Variants in TTC28 observed in about 807,000 individuals in gnomAD.
TTC28 encodes the protein tetratricopeptide repeat domain 28.
Under a neutral mutation model 198.0 loss-of-function variants are expected in TTC28, and 61 were observed. The ratio of observed to expected loss-of-function variants is 0.31; its 90% confidence interval spans 0.25 to 0.38. The LOEUF (loss-of-function observed/expected upper bound fraction) is 0.38. Ranked by LOEUF, TTC28 falls within the 10% of genes least tolerant of loss-of-function variation. TTC28 has a pLI of 1.00. For synonymous variants in TTC28, 1,171 were observed against 1,297.8 expected (o/e 0.90, Z 2.10); for missense variants, 2,678 against 3,164.0 (o/e 0.85, Z 3.69).
intron 1 of TTC28, among the ~76,000 whole-genome samples, chr22:28,645,196 CA>C (rs935093935): frequency 1.0e-4 from 15 of 150,592 alleles, no homozygotes; most frequent in Admixed American, 7.9e-4. Flanking sequence ...AACTCCGTCT[CA>C]AAAAAAAATT....
rs547706122 is a variant in TTC28 at position 27,995,696 on chromosome 22, A to T, written c.5244+439T>A. On this transcript the variant is annotated intron_variant, in intron 17 of 22. Transcript: ENST00000397906. ...AACCTTGAACTGTTCAACTTTTATC[A>T]CCCCTTCCAGATGAGAACACTGAGG... Among the ~76,000 whole-genome samples the T allele has an allele frequency of 3.3e-5, 5 of 152,254 alleles. No homozygotes were observed. In the South Asian group the frequency reaches 6.2e-4, roughly 19 times the overall value.
chr22:28,014,886 G>A (rs1002085671), intron 13 of TTC28, among the ~76,000 whole-genome samples: 1 of 152,236 alleles, frequency 6.6e-6, no homozygotes, highest in Non-Finnish European at 1.5e-5. Context: ...GGGCTCTGTG[G>A]CAAGGCAGTA....
intron 2 of TTC28, among the ~76,000 whole-genome samples, chr22:28,576,223 T>C (rs2050148166): frequency 6.6e-6 from 1 of 152,128 alleles, no homozygotes; most frequent in Non-Finnish European, 1.5e-5. Flanking sequence ...TTTTATCAAA[T>C]GCTTTTTCAG....
rs866979937 is a variant in TTC28, at chr22:27,999,201, G to A, written c.4458C>T (p.Ile1486=). The part of the protein sequence containing the change: ...YSSSTSMAAV[I]GNPKLPSAVM... ...CGGCCGATGGTAGCTTGGGGTTGCC[G>A]ATGACAGCCGCCATGGATGTGGAGC... Residue 1486 remains isoleucine, a synonymous_variant, in exon 16 of 23, where the codon ATC becomes ATT. Transcript: ENST00000397906. 20 of 1,550,854 alleles carry A rather than the reference G, an allele frequency of 1.3e-5. No individual in the cohort carries two copies. Among genetic ancestry groups the A allele is most frequent in the Middle Eastern group, 1.7e-4 (1 of 6,012 alleles).
chr22:28,436,363 A>G (rs2047519877), intron 2 of TTC28, among the ~76,000 whole-genome samples: 1 of 152,202 alleles, frequency 6.6e-6, no homozygotes, highest in African/African-American at 2.4e-5. Context: ...ACTGATAGAG[A>G]CAGACATACT....
chr22:28,562,516 C>T (rs191168939), intron 2 of TTC28, among the ~76,000 whole-genome samples: 65 of 152,112 alleles, frequency 4.3e-4, no homozygotes, highest in African/African-American at 1.5e-3. Context: ...GAAGAACCAC[C>T]GTAGAAGTGA....
At chr22:28,524,831 T>C (rs1389516888) in intron 2 of TTC28, among the ~76,000 whole-genome samples, 3 of 152,174 alleles carry the variant, frequency 2.0e-5, no homozygotes. Flanking sequence ...AATTCATGTA[T>C]ATACTTTTGG....
chr22:28,639,224 A>G (rs1159916406), intron 1 of TTC28, among the ~76,000 whole-genome samples: 1 of 151,480 alleles, frequency 6.6e-6, no homozygotes, highest in Non-Finnish European at 1.5e-5. Context: ...AAATTTTATT[A>G]GATCCATGTA....
intron 2 of TTC28, among the ~76,000 whole-genome samples, chr22:28,585,589 A>T (rs2050302455): frequency 6.6e-6 from 1 of 152,158 alleles, no homozygotes; most frequent in African/African-American, 2.4e-5. Flanking sequence ...GACCAGTATC[A>T]GTCCGTGGCC....
intron 1 of TTC28, among the ~76,000 whole-genome samples, chr22:28,654,531 T>C (rs2051613756): frequency 6.6e-6 from 1 of 152,176 alleles, no homozygotes; most frequent in Non-Finnish European, 1.5e-5. Flanking sequence ...TTTCACCATG[T>C]TGGCCAGGAT....
intron 2 of TTC28, chr22:28,442,996 C>T: frequency 6.6e-6 from 1 of 152,514 alleles, no homozygotes; most frequent in Non-Finnish European, 1.5e-5. Context: ...GCAAGTCATG[C>T]TGCCTCCCTC....
intron 2 of TTC28, among the ~76,000 whole-genome samples, chr22:28,565,066 G>A (rs1271294712): frequency 1.3e-5 from 2 of 151,814 alleles, no homozygotes; most frequent in African/African-American, 4.8e-5. Context: ...TGCCAAAAGT[G>A]AAGATCCCTA....
chr22:28,595,505 T>C (rs139735296), intron 2 of TTC28, among the ~76,000 whole-genome samples: 248 of 152,338 alleles, frequency 1.6e-3, no homozygotes, highest in African/African-American at 5.5e-3. Context: ...ATTATAGTTA[T>C]TGGATTGTCA....
chr22:28,261,881 C>T (rs558695573), intron 5 of TTC28, among the ~76,000 whole-genome samples: 2 of 152,246 alleles, frequency 1.3e-5, no homozygotes, highest in South Asian at 4.1e-4. Context: ...CTTTTAACAT[C>T]TCACAGAACA....
At chr22:28,502,476 TA>T (rs695536) in intron 2 of TTC28, among the ~76,000 whole-genome samples, 33 of 145,220 alleles carry the variant, frequency 2.3e-4, no homozygotes, top group Non-Finnish European at 2.1e-4. Flanking sequence ...CTGTCTCTAC[TA>T]AAAAAAAAAA....
intron 2 of TTC28, among the ~76,000 whole-genome samples, chr22:28,491,962 G>A (rs2048386259): frequency 6.6e-6 from 1 of 152,168 alleles, no homozygotes; most frequent in Non-Finnish European, 1.5e-5. Flanking sequence ...CCTTTGTAGG[G>A]ACATGGATGA....
intron 2 of TTC28, among the ~76,000 whole-genome samples, chr22:28,519,905 G>A (rs1462558640): frequency 6.6e-6 from 1 of 152,186 alleles, no homozygotes; most frequent in Non-Finnish European, 1.5e-5. Flanking sequence ...ACATTCAAGT[G>A]TTGACAGTTA....
chr22:28,355,802 G>T (rs62237616), intron 2 of TTC28, among the ~76,000 whole-genome samples: 2,411 of 152,308 alleles, frequency 0.016, 18 homozygotes, highest in Non-Finnish European at 0.023. Context: ...CAACTATAGT[G>T]CTGAAGGGCA....
At chr22:28,427,185 A>G (rs527329395) in intron 2 of TTC28, among the ~76,000 whole-genome samples, 2 of 152,344 alleles carry the variant, frequency 1.3e-5, no homozygotes, top group Admixed American at 1.3e-4. Context: ...AACCTGATAA[A>G]TGGATTTTAC....
Sources: allele counts gnomAD v4.1 joint callset (sites outside exome capture counted in the v4.1 genomes callset), GRCh38; gene constraint gnomAD v4.1.1; transcripts MANE v1.5; gene names NCBI Gene and HGNC (gene_info 2026-07-23, HGNC 2026-07-21).